Variants in CDH13 observed in about 807,000 individuals in gnomAD.
CDH13 encodes the protein cadherin-13.
Under a neutral mutation model 63.8 loss-of-function variants are expected in CDH13, and 24 were observed. That is an observed-to-expected ratio of 0.38 (90% CI 0.27 to 0.53). The LOEUF is 0.53. Ranked by LOEUF, CDH13 falls within the 20% of genes least tolerant of loss-of-function variation. The pLI is 0.85. For synonymous variants in CDH13, 503 were observed against 355.3 expected (o/e 1.42, Z -4.67); for missense variants, 1,049 against 903.1 (o/e 1.16, Z -2.07).
intron 7 of CDH13, among the ~76,000 whole-genome samples, chr16:83,597,857 C>T (rs1021261234): frequency 6.6e-6 from 1 of 152,074 alleles, no homozygotes; most frequent in African/African-American, 2.4e-5. Context: ...CCAATGTATC[C>T]TTCCCTTGTG....
At chr16:82,700,955 G>GCCCCCCCCCCC (rs572286316) in intron 1 of CDH13, among the ~76,000 whole-genome samples, 6 of 10,428 alleles carry the variant, frequency 5.8e-4, no homozygotes, top group Non-Finnish European at 7.2e-4. Flanking sequence ...GCTGGAACCC[G>GCCCCCCCCCCC]CCCCCCCCCC....
intron 1 of CDH13, among the ~76,000 whole-genome samples, chr16:82,792,927 A>AG (rs58843573): frequency 0.29 from 44,701 of 152,098 alleles, 6,895 homozygotes; most frequent in South Asian, 0.45. Flanking sequence ...ATGGGCTTGG[A>AG]GGGACGACAG....
rs1282123304 is a variant in CDH13 at position 82,712,552 on chromosome 16, C to T, written c.45+85415C>T. Among the ~76,000 whole-genome samples the T allele has an allele frequency of 4.6e-5, 7 of 152,158 alleles. No homozygotes were observed. In the South Asian group the frequency reaches 1.2e-3, roughly 27 times the overall value. The stretch of plus-strand genomic sequence containing the variant: ...GGCTTTCAAACTCACTACCCTGTGC[C>T]CCACCTATCACACCTGTCCTTTGTC... On this transcript the variant is annotated intron_variant, in intron 1 of 13. Transcript: ENST00000567109.
chr16:83,469,811 C>G (rs1430987275), intron 6 of CDH13, among the ~76,000 whole-genome samples: 1 of 152,174 alleles, frequency 6.6e-6, no homozygotes, highest in Non-Finnish European at 1.5e-5. Context: ...GGGGATGGGA[C>G]TGACCCATCA....
intron 2 of CDH13, among the ~76,000 whole-genome samples, chr16:82,876,373 T>G (rs966525771): frequency 6.6e-6 from 1 of 152,244 alleles, no homozygotes; most frequent in Admixed American, 6.5e-5. Flanking sequence ...ATCTTTGAAT[T>G]GACAAGTTAA....
chr16:82,967,569 C>T (rs1012039284), intron 2 of CDH13, among the ~76,000 whole-genome samples: 1 of 152,192 alleles, frequency 6.6e-6, no homozygotes, highest in African/African-American at 2.4e-5. Flanking sequence ...ACAGGAACAG[C>T]ATTTTCCTGC....
intron 1 of CDH13, among the ~76,000 whole-genome samples, chr16:82,812,415 C>G (rs2037494187): frequency 6.6e-6 from 1 of 152,060 alleles, no homozygotes; most frequent in African/African-American, 2.4e-5. Context: ...AAATCAGTGG[C>G]CAGCAGAGGT....
rs193261979 is a variant in CDH13 at position 82,657,808 on chromosome 16, T to G, written c.45+30671T>G. Among the ~76,000 whole-genome samples the G allele has an allele frequency of 2.6e-3, 401 of 152,358 alleles. 2 individuals carry two copies. Among genetic ancestry groups the G allele is most frequent in the African/African-American group, 9.2e-3 (383 of 41,590 alleles). On this transcript the variant is annotated intron_variant, in intron 1 of 13. Transcript: ENST00000567109. ...TTGTAATCTTGGCATAATTACTTAT[T>G]CTTGGAGTTTGTCAATTTTTTTGGA...
At chr16:83,012,905 G>T (rs919733485) in intron 2 of CDH13, among the ~76,000 whole-genome samples, 1 of 152,060 alleles carries the variant, frequency 6.6e-6, no homozygotes, top group Non-Finnish European at 1.5e-5. Flanking sequence ...AAAATTAAAG[G>T]CAATACAATA....
chr16:82,677,943 G>A (rs1209965693), intron 1 of CDH13, among the ~76,000 whole-genome samples: 1 of 152,136 alleles, frequency 6.6e-6, no homozygotes, highest in African/African-American at 2.4e-5. Context: ...CTTGATCCCT[G>A]TTGGAAAAGC....
At chr16:83,454,489 A>ATAT (rs2072967950) in intron 6 of CDH13, among the ~76,000 whole-genome samples, 1 of 152,078 alleles carries the variant, frequency 6.6e-6, no homozygotes, top group South Asian at 2.1e-4. Flanking sequence ...ATTGCATTAT[A>ATAT]TATTTTACTT....
rs1448164340 is a variant in CDH13, at chr16:83,229,082, CT to C, written c.636+11586del. 2.6e-5 allele frequency among the ~76,000 whole-genome samples: 4 copies of C among 152,226 alleles called. 1 individual carries two copies. The highest frequency in any genetic ancestry group is 2.6e-4 in the Admixed American group (4 of 15,290). On this transcript the variant is annotated intron_variant, in intron 5 of 13. Transcript: ENST00000567109. ...GGGAGGAGGGCAGGCCATACCGGGC[CT>C]CACAGGGCAGGATAAGGTGCTTGGA...
At chr16:83,512,338 A>AAATC (rs1486725699) in intron 7 of CDH13, among the ~76,000 whole-genome samples, 1 of 144,602 alleles carries the variant, frequency 6.9e-6, no homozygotes, top group Non-Finnish European at 1.5e-5. Flanking sequence ...ATAAATAAAT[A>AAATC]AATAAATAAA....
At chr16:83,385,041 G>A (rs973940915) in intron 6 of CDH13, among the ~76,000 whole-genome samples, 7 of 152,290 alleles carry the variant, frequency 4.6e-5, no homozygotes, top group African/African-American at 1.2e-4. Context: ...CAGCACAGGT[G>A]GCCCCTACTG....
chr16:83,293,220 G>A (rs562855713), intron 5 of CDH13, among the ~76,000 whole-genome samples: 1 of 152,290 alleles, frequency 6.6e-6, no homozygotes, highest in South Asian at 2.1e-4. Context: ...ATGATAAGAG[G>A]TCAGAGACTG....
intron 6 of CDH13, among the ~76,000 whole-genome samples, chr16:83,393,268 G>A (rs941391979): frequency 5.3e-5 from 8 of 152,140 alleles, no homozygotes; most frequent in Non-Finnish European, 1.0e-4. Context: ...TTTATGGTGT[G>A]GGAAAGGAAG....
chr16:83,484,544 T>C (rs545790364), intron 6 of CDH13, among the ~76,000 whole-genome samples: 2 of 152,402 alleles, frequency 1.3e-5, no homozygotes, highest in East Asian at 3.9e-4. Flanking sequence ...CTTATAATTA[T>C]GCTCTTTGTA....
chr16:82,794,407 C>A (rs1323265271), intron 1 of CDH13, among the ~76,000 whole-genome samples: 1 of 123,680 alleles, frequency 8.1e-6, no homozygotes, highest in Non-Finnish European at 1.9e-5. Flanking sequence ...ATTTTTTTTT[C>A]TTTTCTTTTC....
intron 6 of CDH13, among the ~76,000 whole-genome samples, chr16:83,457,346 T>C (rs1362782782): frequency 6.6e-6 from 1 of 152,040 alleles, no homozygotes; most frequent in Non-Finnish European, 1.5e-5. Context: ...ATCACCATGG[T>C]GGGCAGCCAG....
Sources: allele counts gnomAD v4.1 joint callset (sites outside exome capture counted in the v4.1 genomes callset), GRCh38; gene constraint gnomAD v4.1.1; transcripts MANE v1.5; gene names NCBI Gene and HGNC (gene_info 2026-07-23, HGNC 2026-07-21).